Variants in TENM3 observed in about 807,000 individuals in gnomAD.
TENM3 encodes teneurin transmembrane protein 3.
Under a neutral mutation model 255.1 loss-of-function variants are expected in TENM3, and 63 were observed. The observed-to-expected ratio is 0.25, with a 90% CI of 0.20 to 0.30. The LOEUF is 0.30. TENM3 is among the 10% of genes least tolerant of loss of function. TENM3 has a pLI of 1.00. For missense variants in TENM3, 2,929 were observed against 3,461.1 expected (o/e 0.85, Z 3.86); for synonymous variants, 1,306 against 1,322.3 (o/e 0.99, Z 0.27).
chr4:181,860,469 G>A, the TENM3 span, among the ~76,000 whole-genome samples: 2 of 152,166 alleles, frequency 1.3e-5, no homozygotes, highest in Non-Finnish European at 2.9e-5. Context: ...TTGATAATGA[G>A]AAACAGACAA....
chr4:181,702,649 T>A, the TENM3 span, among the ~76,000 whole-genome samples: 1 of 152,152 alleles, frequency 6.6e-6, no homozygotes, highest in Non-Finnish European at 1.5e-5. Context: ...AAACTAAAGT[T>A]TAAAAATCCA....
At chr4:181,641,809 T>C in the TENM3 span, among the ~76,000 whole-genome samples, 34 of 67,582 alleles carry the variant, frequency 5.0e-4, no homozygotes, top group African/African-American at 1.9e-3. Context: ...ACACACCATA[T>C]ATATATATAT....
the TENM3 span, among the ~76,000 whole-genome samples, chr4:181,566,039 A>C: frequency 2.0e-5 from 3 of 152,214 alleles, no homozygotes; most frequent in Admixed American, 1.3e-4. Context: ...AATACAGCAG[A>C]GTCCAACTAT....
the TENM3 span, among the ~76,000 whole-genome samples, chr4:181,549,088 T>C: frequency 6.6e-6 from 1 of 152,152 alleles, no homozygotes; most frequent in Admixed American, 6.5e-5. Context: ...ATGCTGGAAC[T>C]TCAGCTTACT....
At chr4:181,629,716 T>G in the TENM3 span, among the ~76,000 whole-genome samples, 1 of 152,194 alleles carries the variant, frequency 6.6e-6, no homozygotes, top group African/African-American at 2.4e-5. Flanking sequence ...AGCTTTTTGA[T>G]GTGCTGCTGG....
chr4:182,258,179 A>G (rs1758547885), intron 1 of TENM3, among the ~76,000 whole-genome samples: 1 of 152,182 alleles, frequency 6.6e-6, no homozygotes, highest in Non-Finnish European at 1.5e-5. Flanking sequence ...ACAAACATGC[A>G]TGTGTATTTT....
At chr4:181,946,282 C>G in the TENM3 span, among the ~76,000 whole-genome samples, 57,138 of 151,978 alleles carry the variant, frequency 0.38, 11,088 homozygotes, top group African/African-American at 0.44. Context: ...AAGTTACACT[C>G]ACATCAACTG....
intron 1 of TENM3, among the ~76,000 whole-genome samples, chr4:182,315,050 T>G (rs1193891162): frequency 6.6e-6 from 1 of 152,226 alleles, no homozygotes; most frequent in African/African-American, 2.4e-5. Flanking sequence ...CTTGTAATAG[T>G]GTACTTCTGC....
At chr4:182,730,458 CATATGGCAG>C (rs1760602695) in intron 15 of TENM3, 139 bp downstream of exon 15, 1 of 901,284 alleles carries the variant, frequency 1.1e-6, no homozygotes, top group East Asian at 2.6e-5. Context: ...TGTGACAGTA[CATATGGCAG>C]AGATTTAAAG....
the TENM3 span, among the ~76,000 whole-genome samples, chr4:181,667,906 A>C: frequency 6.6e-6 from 1 of 152,102 alleles, no homozygotes; most frequent in East Asian, 1.9e-4. Flanking sequence ...GTTCACTTTC[A>C]CCACTTACCT....
At chr4:182,242,304 C>T (rs1350573534), upstream of TENM3, among the ~76,000 whole-genome samples, 4 of 151,860 alleles carry the variant, frequency 2.6e-5, no homozygotes, top group Admixed American at 6.6e-5. Context: ...TGAGAACATG[C>T]GGTGTTTGTT....
chr4:182,508,140 T>C (rs564921517), intron 3 of TENM3, among the ~76,000 whole-genome samples: 2 of 152,282 alleles, frequency 1.3e-5, no homozygotes, highest in East Asian at 3.9e-4. Context: ...TGTTGAGCTG[T>C]TATAAGGATG....
At chr4:181,819,677 T>A in the TENM3 span, among the ~76,000 whole-genome samples, 1 of 152,174 alleles carries the variant, frequency 6.6e-6, no homozygotes, top group African/African-American at 2.4e-5. Flanking sequence ...TAGATTCTCA[T>A]AAGGAGCACT....
At chr4:182,797,440 A>C (rs1766576365) in intron 27 of TENM3, among the ~76,000 whole-genome samples, 1 of 76,936 alleles carries the variant, frequency 1.3e-5, no homozygotes, top group African/African-American at 1.4e-4. Context: ...ACTCCGTCTC[A>C]AAAAAAAAAT....
chr4:182,411,068 G>C (rs1361227819), intron 3 of TENM3, among the ~76,000 whole-genome samples: 1 of 152,130 alleles, frequency 6.6e-6, no homozygotes, highest in Non-Finnish European at 1.5e-5. Flanking sequence ...TTCACCTGCT[G>C]TGAGTCCCTA....
chr4:182,081,220 A>G, the TENM3 span, among the ~76,000 whole-genome samples: 1 of 152,216 alleles, frequency 6.6e-6, no homozygotes, highest in South Asian at 2.1e-4. Flanking sequence ...ACTCTTCTTG[A>G]ATAGGTGCCA....
chr4:182,371,313 G>A (rs1015786918), intron 3 of TENM3, among the ~76,000 whole-genome samples: 20 of 150,750 alleles, frequency 1.3e-4, no homozygotes, highest in Admixed American at 9.9e-4. Flanking sequence ...GCATCTTTTT[G>A]CCTTTTTAAT....
intron 2 of TENM3, among the ~76,000 whole-genome samples, chr4:182,346,230 G>A (rs867820919): frequency 6.6e-6 from 1 of 152,132 alleles, no homozygotes; most frequent in Non-Finnish European, 1.5e-5. Flanking sequence ...TCTTCCAAAG[G>A]AGTGACATCT....
At chr4:182,173,970 G>GA (rs765778853) in intron 1 of TENM3, among the ~76,000 whole-genome samples, 21 of 152,022 alleles carry the variant, frequency 1.4e-4, no homozygotes, top group Admixed American at 1.4e-3. Flanking sequence ...GTACAAAATA[G>GA]AAAAAAATGC....
Sources: gnomAD v4.1 joint callset for allele counts (sites outside exome capture counted in the v4.1 genomes callset) on GRCh38, gnomAD v4.1.1 for gene constraint, MANE v1.5 for transcripts, NCBI Gene and HGNC (gene_info 2026-07-23, HGNC 2026-07-21) for gene names.